SV2C: variants seen among roughly 807,000 people sequenced by gnomAD.
The protein encoded by SV2C is synaptic vesicle glycoprotein 2C, also known as solute carrier family 22 member B3.
A neutral mutation model predicts 79.7 loss-of-function variants in SV2C; 49 were observed. The observed-to-expected ratio is 0.61, with a 90% CI of 0.49 to 0.78. The LOEUF (loss-of-function observed/expected upper bound fraction) is 0.78. Ranked by LOEUF, SV2C falls within the 30% of genes least tolerant of loss-of-function variation. The pLI is 0.00. For synonymous variants in SV2C, 334 were observed against 333.2 expected (o/e 1.00, Z -0.03); for missense variants, 833 against 912.9 (o/e 0.91, Z 1.13).
chr5:76,022,641 T>C, the SV2C span, among the ~76,000 whole-genome samples: 5 of 152,196 alleles, frequency 3.3e-5, no homozygotes. Flanking sequence ...TGTCCAGTCA[T>C]TCTCAAAGCT....
At chr5:76,069,213 A>G in the SV2C span, among the ~76,000 whole-genome samples, 1 of 152,144 alleles carries the variant, frequency 6.6e-6, no homozygotes, top group Non-Finnish European at 1.5e-5. Context: ...TCTCTATATC[A>G]ACACCATATG....
the SV2C span, among the ~76,000 whole-genome samples, chr5:76,053,125 A>AG: frequency 6.6e-6 from 1 of 151,344 alleles, no homozygotes; most frequent in East Asian, 1.9e-4. Context: ...AAAAAAAAAA[A>AG]GAGTAGAATA....
At chr5:76,206,152 T>C (rs771414324) in intron 3 of SV2C, among the ~76,000 whole-genome samples, 1 of 152,214 alleles carries the variant, frequency 6.6e-6, no homozygotes, top group East Asian at 1.9e-4. Context: ...AACTTCTTTT[T>C]AATTTATAAG....
chr5:76,053,131 G>A, the SV2C span, among the ~76,000 whole-genome samples: 1 of 148,556 alleles, frequency 6.7e-6, no homozygotes, highest in Non-Finnish European at 1.5e-5. Context: ...AAAAAGAGTA[G>A]AATACTCAAG....
chr5:76,270,367 C>T (rs1248108620), intron 4 of SV2C, among the ~76,000 whole-genome samples: 6 of 152,168 alleles, frequency 3.9e-5, no homozygotes, highest in East Asian at 3.9e-4. Context: ...GGGAAAGCCC[C>T]GTTCCTGTCT....
At chr5:76,240,978 T>C (rs1035194925) in intron 4 of SV2C, among the ~76,000 whole-genome samples, 1 of 152,086 alleles carries the variant, frequency 6.6e-6, no homozygotes, top group African/African-American at 2.4e-5. Flanking sequence ...TTTTTTGAGA[T>C]GGAGTCTCAC....
At chr5:76,102,451 G>T (rs1167546082) in intron 1 of SV2C, among the ~76,000 whole-genome samples, 5 of 152,142 alleles carry the variant, frequency 3.3e-5, no homozygotes, top group African/African-American at 9.7e-5. Context: ...AGTGGGTTGT[G>T]TTATCCAGTA....
At chr5:76,066,457 G>T in the SV2C span, among the ~76,000 whole-genome samples, 1 of 110,266 alleles carries the variant, frequency 9.1e-6, no homozygotes, top group Admixed American at 1.0e-4. Flanking sequence ...TTGGGGTGGG[G>T]GGAGGGGGGA....
chr5:76,194,864 A>T (rs1041641255), intron 2 of SV2C, 55 bp from the exon 3 acceptor site: 35 of 1,579,114 alleles, frequency 2.2e-5, no homozygotes, highest in Non-Finnish European at 2.9e-5. Context: ...TTGCTGTTAC[A>T]TGTGTCATTG....
chr5:75,897,261 G>A, the SV2C span, among the ~76,000 whole-genome samples: 3 of 151,820 alleles, frequency 2.0e-5, no homozygotes, highest in African/African-American at 2.4e-5. Flanking sequence ...GTAAGGAAGG[G>A]ATCCAGTTTC....
In SV2C at chr5:76,345,760, C is replaced by G. The variant is rs1749526381; in HGVS notation, c.2001-7370C>G. Among the ~76,000 whole-genome samples the G allele has an allele frequency of 2.0e-5, 3 of 152,206 alleles. 1 individual carries two copies. In the South Asian group the frequency reaches 6.2e-4, roughly 31 times the overall value. ...CATTTCATCCTCCCAGGAACCCTAG[C>G]TGGGAGCACTTCTGTTTACAGAAGA... is the stretch of plus-strand genomic sequence containing the variant. On this transcript the variant is annotated intron_variant, in intron 12 of 12. Transcript: ENST00000322285.
chr5:76,262,631 T>C (rs1746512550), intron 4 of SV2C, among the ~76,000 whole-genome samples: 1 of 152,216 alleles, frequency 6.6e-6, no homozygotes, highest in Non-Finnish European at 1.5e-5. Context: ...GTACATTGTC[T>C]GTTTATTCTC....
chr5:76,004,404 A>G, the SV2C span, among the ~76,000 whole-genome samples: 1 of 152,178 alleles, frequency 6.6e-6, no homozygotes, highest in Non-Finnish European at 1.5e-5. Context: ...AAATGAGACT[A>G]ATAATGGGAC....
chr5:76,295,901 G>A lies in SV2C; in HGVS notation c.1461G>A (p.Met487Ile), dbSNP rs1488813460. The change falls in exon 9 of 13, where the codon ATG (methionine) becomes ATA (isoleucine). Residue 487 changes from methionine to isoleucine, a missense_variant. Met to Ile is a conservative substitution (Grantham distance 10, BLOSUM62 1). Coordinates refer to ENST00000502798, the MANE Select transcript of SV2C (RefSeq NM_014979.4). Reference sequence around the variant, plus strand: ...CAAATTTCACTATTAACTTTACAATGGAAAATCAGATTCATACTGGAATGG... The same window carrying A: ...CAAATTTCACTATTAACTTTACAATAGAAAATCAGATTCATACTGGAATGG... The part of the protein sequence containing the change: ...KYANFTINFT[M>I]ENQIHTGMEY... The A allele has an allele frequency of 1.9e-6, 3 of 1,611,744 alleles. No homozygotes were observed. Among genetic ancestry groups the A allele is most frequent in the Non-Finnish European group, 2.5e-6 (3 of 1,179,074 alleles).
chr5:76,274,326 T>A (rs1746958979), intron 4 of SV2C, among the ~76,000 whole-genome samples: 1 of 152,112 alleles, frequency 6.6e-6, no homozygotes, highest in Non-Finnish European at 1.5e-5. Context: ...AGGACTATAA[T>A]TTTTTCAAAA....
chr5:76,174,302 G>C, intron 2 of SV2C: 2 of 933,702 alleles, frequency 2.1e-6, no homozygotes, highest in Non-Finnish European at 3.3e-6. Context: ...CGGCGGTCCT[G>C]CCGCTGCCGC....
intron 6 of SV2C, chr5:76,286,765 AAC>A (rs1747370973): frequency 6.6e-6 from 1 of 152,180 alleles, no homozygotes; most frequent in Admixed American, 6.5e-5. Context: ...AGGGGAAGCA[AAC>A]ACGTCCTTCT....
At chr5:76,149,956 A>G (rs1401517106) in intron 2 of SV2C, among the ~76,000 whole-genome samples, 12 of 152,212 alleles carry the variant, frequency 7.9e-5, no homozygotes, top group Admixed American at 6.5e-4. Context: ...ATGAAATTAA[A>G]TGGTTTTATT....
At chr5:75,984,093 A>G in the SV2C span, among the ~76,000 whole-genome samples, 2 of 152,126 alleles carry the variant, frequency 1.3e-5, no homozygotes, top group South Asian at 4.1e-4. Context: ...GTCTGATCGA[A>G]CCCCTCCTAA....
Sources: gnomAD v4.1 joint callset for allele counts (sites outside exome capture counted in the v4.1 genomes callset) on GRCh38, gnomAD v4.1.1 for gene constraint, MANE v1.5 for transcripts, NCBI Gene and HGNC (gene_info 2026-07-23, HGNC 2026-07-21) for gene names.